The following RARS2 variants were observed in gnomAD, a reference collection of about 807,000 sequenced individuals.
RARS2 encodes probable arginine--tRNA ligase, mitochondrial.
In RARS2, 67 loss-of-function variants were observed where a neutral mutation model predicts 88.5. That is an observed-to-expected ratio of 0.76 (90% confidence interval 0.62 to 0.93). The LOEUF is 0.93. Among genes scored for constraint, RARS2 ranks in the 40% least tolerant of loss-of-function variants. RARS2 has a pLI of 0.00. For synonymous variants in RARS2, 239 were observed against 230.3 expected, an observed-to-expected ratio of 1.04 and a Z score of -0.34; for missense variants, 664 against 684.2, an observed-to-expected ratio of 0.97 and a Z score of 0.33.
rs371367255 is a variant in RARS2, at chr6:87,589,932, A to G, written c.26T>C (p.Ile9Thr). Reference protein sequence around the residue: MACGFRRAIACQLSRVLNL... With the variant: MACGFRRATACQLSRVLNL... ...CTCCGGGATCCATACCTGGCAAGCA[A>G]TAGCGCGGCGAAAGCCGCACGCCAT... Residue 9 changes from isoleucine to threonine, a missense_variant, in exon 1 of 20, where the codon ATT becomes ACT. Ile to Thr is a moderately conservative substitution (Grantham distance 89, BLOSUM62 -1). Coordinates refer to ENST00000369536, the MANE Select transcript of RARS2 (RefSeq NM_020320.5). 8 of 1,614,036 alleles carry G rather than the reference A, an allele frequency of 5.0e-6. No individual in the cohort carries two copies. The highest frequency in any genetic ancestry group is 6.8e-6 in the Non-Finnish European group (8 of 1,180,020).
intron 10 of RARS2, among the ~76,000 whole-genome samples, chr6:87,528,065 A>T (rs1412545699): frequency 6.4e-5 from 2 of 31,138 alleles, no homozygotes; most frequent in African/African-American, 1.8e-4. Context: ...TGGGAACATA[A>T]AAAAAAAAAA....
intron 2 of RARS2, among the ~76,000 whole-genome samples, chr6:87,566,929 T>C (rs1334338052): frequency 6.7e-6 from 1 of 148,330 alleles, no homozygotes; most frequent in Non-Finnish European, 1.5e-5. Context: ...CCAGGCATGG[T>C]GGCTCAAGCC....
chr6:87,525,893 A>C (rs1775530131), intron 10 of RARS2, among the ~76,000 whole-genome samples: 1 of 150,940 alleles, frequency 6.6e-6, no homozygotes, highest in Admixed American at 6.6e-5. Context: ...TCTGAAAAAG[A>C]AATTTAAAAA....
intron 4 of RARS2, among the ~76,000 whole-genome samples, chr6:87,561,462 G>A (rs567533034): frequency 5.3e-5 from 8 of 152,162 alleles, no homozygotes; most frequent in African/African-American, 1.9e-4. Flanking sequence ...CCTATCAAAG[G>A]GTATATTCAC....
At chr6:87,558,025 A>G (rs867279826) in intron 4 of RARS2, among the ~76,000 whole-genome samples, 6 of 152,138 alleles carry the variant, frequency 3.9e-5, no homozygotes, top group South Asian at 2.1e-4. Flanking sequence ...AAAATACAAA[A>G]AATTAGCCAG....
At chr6:87,579,713 A>G (rs1772803576) in intron 1 of RARS2, among the ~76,000 whole-genome samples, 1 of 113,374 alleles carries the variant, frequency 8.8e-6, no homozygotes, top group Non-Finnish European at 1.7e-5. Context: ...AGCATAGAGC[A>G]TGTTTTTTTT....
At position 87,589,528 on chromosome 6, in the gene RARS2, G is replaced by A. The variant is rs368398141; in HGVS notation, c.36+394C>T. Among the ~76,000 whole-genome samples, 11 of 152,274 alleles carry A rather than the reference G, an allele frequency of 7.2e-5. 2 individuals are homozygous for A. In the South Asian group the frequency reaches 2.3e-3, roughly 32 times the overall value. On this transcript the variant is annotated intron_variant, in intron 1 of 19. Coordinates refer to ENST00000369536, the MANE Select transcript of RARS2 (RefSeq NM_020320.5). ...GCCTAAGTGACTGCAAGAGAAATAA[G>A]CAGCTTTAAAATGAGGTCCTTCTGA...
intron 4 of RARS2, among the ~76,000 whole-genome samples, chr6:87,558,030 A>T (rs1728957886): frequency 6.6e-6 from 1 of 152,054 alleles, no homozygotes; most frequent in Non-Finnish European, 1.5e-5. Flanking sequence ...ACAAAAAATT[A>T]GCCAGGTGTG....
Position 87,521,697 on chromosome 6 carries a change from T to TA in RARS2, c.975-174dup, listed in dbSNP as rs141783410. On this transcript the variant is annotated intron_variant, in intron 11 of 19. Transcript: ENST00000369536. ...AATATCATGTTTTGATATAAAATGATAAAAATAGGTTTGGGAAAAACAACA... is the reference window on the plus strand; with the variant it reads ...AATATCATGTTTTGATATAAAATGATAAAAAATAGGTTTGGGAAAAACAACA... 9.2e-3 allele frequency among the ~76,000 whole-genome samples: 1,401 copies of TA among 151,926 alleles called. 23 individuals carry two copies. Among genetic ancestry groups the TA allele is most frequent in the African/African-American group, 0.031 (1,303 of 41,438 alleles).
At chr6:87,540,248 G>A (rs1033534354) in intron 8 of RARS2, among the ~76,000 whole-genome samples, 1 of 151,548 alleles carries the variant, frequency 6.6e-6, no homozygotes, top group African/African-American at 2.4e-5. Context: ...AGGAGTTCAA[G>A]ACCAGCCTGG....
intron 8 of RARS2, among the ~76,000 whole-genome samples, chr6:87,538,686 T>G (rs1779919260): frequency 6.6e-6 from 1 of 152,108 alleles, no homozygotes; most frequent in African/African-American, 2.4e-5. Flanking sequence ...CACTTGAAGC[T>G]AGGAGTTTGA....
chr6:87,567,063 C>T (rs549260432), intron 2 of RARS2, among the ~76,000 whole-genome samples: 3 of 151,964 alleles, frequency 2.0e-5, no homozygotes, highest in Admixed American at 2.0e-4. Context: ...ACCAGCCTGG[C>T]CAACATGGTG....
chr6:87,555,581 G>T, intron 4 of RARS2, 76 bp from the exon 5 acceptor site: 1 of 1,191,818 alleles, frequency 8.4e-7, no homozygotes, highest in Non-Finnish European at 1.2e-6. Context: ...AGAATTAAAT[G>T]TTGCCAATTT....
chr6:87,530,640 CAA>C, intron 9 of RARS2, 142 bp downstream of exon 9: 3 of 905,940 alleles, frequency 3.3e-6, no homozygotes, highest in Non-Finnish European at 4.9e-6. Flanking sequence ...TCTTTCAGCC[CAA>C]AAAAAAAATT....
chr6:87,570,377 T>C (rs1026662430), intron 1 of RARS2, among the ~76,000 whole-genome samples: 2 of 152,162 alleles, frequency 1.3e-5, no homozygotes, highest in African/African-American at 4.8e-5. Flanking sequence ...ATTACCCTAA[T>C]TGGACACTCA....
intron 1 of RARS2, among the ~76,000 whole-genome samples, chr6:87,572,690 G>A (rs1770156858): frequency 6.6e-6 from 1 of 152,060 alleles, no homozygotes; most frequent in African/African-American, 2.4e-5. Context: ...TCAGCTTCCT[G>A]AGTAGCTGGG....
At position 87,546,647 on chromosome 6, in the gene RARS2, G is replaced by C. The variant is rs182343920; in HGVS notation, c.452-948C>G. 2.1e-4 allele frequency among the ~76,000 whole-genome samples: 32 copies of C among 152,268 alleles called. No homozygotes were observed. In the East Asian group the frequency reaches 5.6e-3, roughly 27 times the overall value. ...GACAAGGTTCCATAGTGCAGTTTTGGGAGTTATTTATGTCAGCTTAATCCA... is the reference window on the plus strand; with the variant it reads ...GACAAGGTTCCATAGTGCAGTTTTGCGAGTTATTTATGTCAGCTTAATCCA... On this transcript the variant is annotated intron_variant, in intron 6 of 19. Transcript: ENST00000369536.
chr6:87,574,790 A>G (rs941908040), intron 1 of RARS2, among the ~76,000 whole-genome samples: 1 of 152,250 alleles, frequency 6.6e-6, no homozygotes, highest in Non-Finnish European at 1.5e-5. Flanking sequence ...AGTGAATTTT[A>G]TAAGGAGTCT....
intron 4 of RARS2, among the ~76,000 whole-genome samples, chr6:87,556,568 C>T (rs1431188486): frequency 2.0e-5 from 3 of 151,870 alleles, no homozygotes; most frequent in East Asian, 1.9e-4. Context: ...AGGTGGATCA[C>T]GAGGTCAGGA....
Sources: gnomAD v4.1 joint callset for allele counts (sites outside exome capture counted in the v4.1 genomes callset) on GRCh38, gnomAD v4.1.1 for gene constraint, MANE v1.5 for transcripts, NCBI Gene and HGNC (gene_info 2026-07-23, HGNC 2026-07-21) for gene names.